The following MRC1 variants were observed in gnomAD, a reference collection of about 807,000 sequenced individuals.
The protein encoded by MRC1 is macrophage mannose receptor 1.
In MRC1, 62 loss-of-function variants were observed where a neutral mutation model predicts 102.9. The observed-to-expected ratio is 0.60, with a 90% CI of 0.49 to 0.74. The LOEUF (loss-of-function observed/expected upper bound fraction) is 0.74. Among genes scored for constraint, MRC1 ranks in the 30% least tolerant of loss-of-function variants. The probability of loss-of-function intolerance (pLI) is 0.00; values close to 1 mark genes in which losing one functional copy is unlikely to be tolerated. For synonymous variants in MRC1, 457 were observed against 298.4 expected, an observed-to-expected ratio of 1.53 and a Z score of -5.48; for missense variants, 1,237 against 862.8, an observed-to-expected ratio of 1.43 and a Z score of -5.43.
chr10:17,856,711 A>C lies in MRC1; in HGVS notation c.1518+359A>C, dbSNP rs1438248476. On this transcript the variant is annotated intron_variant, in intron 9 of 29. Coordinates refer to ENST00000569591, the MANE Select transcript of MRC1 (RefSeq NM_002438.4). ...CTATAGTAGAAGGTGACAGTCTACT[A>C]TAGTCTGTCATCCTATGGGTTGTTA... is the stretch of plus-strand genomic sequence containing the variant. 2.6e-5 allele frequency among the ~76,000 whole-genome samples: 4 copies of C among 152,284 alleles called. No individual in the cohort carries two copies. The South Asian group carries it at 8.3e-4, about 32-fold the overall frequency.
At chr10:17,836,461 G>A (rs575709289) in intron 4 of MRC1, among the ~76,000 whole-genome samples, 1 of 152,288 alleles carries the variant, frequency 6.6e-6, no homozygotes, top group East Asian at 1.9e-4. Flanking sequence ...GTAAATTTAT[G>A]TAGATGATTA....
intron 1 of MRC1, among the ~76,000 whole-genome samples, chr10:17,810,447 G>A (rs1291362756): frequency 4.6e-5 from 7 of 152,194 alleles, no homozygotes; most frequent in Non-Finnish European, 1.5e-5. Flanking sequence ...TTCCTAGGAA[G>A]AGAGTGTTTT....
Position 17,894,306 on chromosome 10 carries a change from C to T in MRC1, c.3244C>T (p.Arg1082Ter), listed in dbSNP as rs1833721387. ...DSKRGYICQT[R>*]SDPSLTNPPA... ...TAAACGAGGCTACATATGCCAGACACGATCCGGTAAGTTCTACCAAACCTT... is the reference window on the plus strand; with the variant it reads ...TAAACGAGGCTACATATGCCAGACATGATCCGGTAAGTTCTACCAAACCTT... Residue 1082 changes from arginine to a stop codon, truncating the protein, a stop_gained, in exon 23 of 30, where the codon CGA becomes TGA. Coordinates refer to ENST00000569591, the MANE Select transcript of MRC1 (RefSeq NM_002438.4). LOFTEE classifies it high-confidence loss of function. 5.7e-6 allele frequency: 5 copies of T among 871,586 alleles called. No homozygotes were observed. Among genetic ancestry groups the T allele is most frequent in the Admixed American group, 1.7e-5 (1 of 59,046 alleles). The allele number at this position is 871,586 out of a possible 1,614,324, so 54.0% of individuals were successfully genotyped here. A position where few individuals can be genotyped will look rare whatever the true frequency, so the allele number is the denominator to read the frequency against.
At chr10:17,881,670 A>ATTTTTTTTTTTTT (rs1184943960) in intron 21 of MRC1, among the ~76,000 whole-genome samples, 1 of 102,782 alleles carries the variant, frequency 9.7e-6, no homozygotes, top group African/African-American at 4.1e-5. Context: ...ACAAATTTTG[A>ATTTTTTTTTTTTT]TTTTTTTTTT....
At chr10:17,870,822 C>T in intron 13 of MRC1, 26 bp from the exon 14 acceptor site, 1 of 871,892 alleles carries the variant, frequency 1.1e-6, no homozygotes, top group Non-Finnish European at 2.0e-6. Context: ...ATAGCATATG[C>T]TTTCTTTATG....
At chr10:17,885,214 T>A (rs1833575133) in intron 21 of MRC1, 55 bp from the exon 22 acceptor site, 6 of 778,722 alleles carry the variant, frequency 7.7e-6, no homozygotes. Flanking sequence ...ATATTTTCCA[T>A]ATTTTGAGTA....
chr10:17,817,721 C>T (rs191964922), intron 1 of MRC1, among the ~76,000 whole-genome samples: 5,901 of 152,052 alleles, frequency 0.039, 151 homozygotes, highest in Non-Finnish European at 0.048. Context: ...TAAAACAGAT[C>T]GACTGTGTCG....
intron 2 of MRC1, among the ~76,000 whole-genome samples, chr10:17,826,950 T>C (rs1448706291): frequency 6.6e-6 from 1 of 152,034 alleles, no homozygotes; most frequent in African/African-American, 2.4e-5. Context: ...TGACAAGAAG[T>C]GGTTGGAGGG....
intron 8 of MRC1, among the ~76,000 whole-genome samples, chr10:17,855,704 A>T (rs892533680): frequency 3.9e-5 from 6 of 152,250 alleles, no homozygotes; most frequent in Admixed American, 3.9e-4. Flanking sequence ...CTCAGATATA[A>T]AATCATATTG....
rs1468889373 is a variant in MRC1 at position 17,827,697 on chromosome 10, G to A, written c.619G>A (p.Gly207Arg). ...TTDYDTDKLF[G>R]YCPLKFEGSE... The stretch of plus-strand genomic sequence containing the variant: ...TGACTATGACACAGACAAGCTATTT[G>A]GATATTGTCCATTGAAATGTAAGTA... Residue 207 changes from glycine to arginine, a missense_variant, in exon 3 of 30, where the codon GGA becomes AGA. Gly to Arg is a moderately radical substitution (Grantham distance 125). Coordinates refer to ENST00000569591, the MANE Select transcript of MRC1 (RefSeq NM_002438.4). 4 of 780,798 alleles carry A rather than the reference G, an allele frequency of 5.1e-6. No homozygotes were observed. The South Asian group carries it at 5.4e-5, about 10-fold the overall frequency. The allele number at this position is 780,798 out of a possible 1,614,324, so 48.4% of individuals were successfully genotyped here. A position where few individuals can be genotyped will look rare whatever the true frequency, so the allele number is the denominator to read the frequency against.
At chr10:17,858,645 G>A (rs959703745) in intron 9 of MRC1, among the ~76,000 whole-genome samples, 1 of 152,122 alleles carries the variant, frequency 6.6e-6, no homozygotes, top group Non-Finnish European at 1.5e-5. Flanking sequence ...AAGCTACCAT[G>A]CCTGGCTAAT....
At chr10:17,879,989 G>T (rs1460414727) in intron 19 of MRC1, among the ~76,000 whole-genome samples, 168 bp downstream of exon 19, 1 of 152,154 alleles carries the variant, frequency 6.6e-6, no homozygotes, top group African/African-American at 2.4e-5. Context: ...AACGAGAATA[G>T]ATGCTTAACA....
At chr10:17,843,471 G>C (rs1366663582) in intron 5 of MRC1, among the ~76,000 whole-genome samples, 3 of 152,068 alleles carry the variant, frequency 2.0e-5, no homozygotes, top group Non-Finnish European at 2.9e-5. Context: ...TTCAAGACCA[G>C]CCTGGTCAAG....
intron 5 of MRC1, among the ~76,000 whole-genome samples, chr10:17,843,812 C>G (rs1838785348): frequency 6.6e-6 from 1 of 152,108 alleles, no homozygotes; most frequent in African/African-American, 2.4e-5. Flanking sequence ...ATTACCTGCT[C>G]CAGACTTTGT....
intron 5 of MRC1, among the ~76,000 whole-genome samples, chr10:17,844,930 C>T (rs1427217075): frequency 6.6e-6 from 1 of 152,062 alleles, no homozygotes; most frequent in East Asian, 1.9e-4. Context: ...TTTATGGCGG[C>T]ATAATCATGC....
intron 22 of MRC1, among the ~76,000 whole-genome samples, chr10:17,890,524 A>G (rs1833657059): frequency 6.6e-6 from 1 of 151,844 alleles, no homozygotes; most frequent in South Asian, 2.1e-4. Flanking sequence ...CTTTCTTAGC[A>G]TTTTCATCTC....
intron 6 of MRC1, among the ~76,000 whole-genome samples, chr10:17,846,483 T>C (rs901867743): frequency 3.8e-4 from 58 of 152,206 alleles, no homozygotes; most frequent in African/African-American, 1.4e-3. Flanking sequence ...ATTTCATGTA[T>C]TTTAAAATAC....
intron 15 of MRC1, among the ~76,000 whole-genome samples, chr10:17,873,123 A>T (rs1833377657): frequency 6.6e-6 from 1 of 152,220 alleles, no homozygotes. Context: ...CCCAAAAGCT[A>T]GGTAACCTGA....
intron 3 of MRC1, among the ~76,000 whole-genome samples, chr10:17,828,860 T>C (rs369681902): frequency 0.46 from 69,030 of 151,160 alleles, 17,116 homozygotes; most frequent in African/African-American, 0.61. Flanking sequence ...AGGCAAATAG[T>C]GAAGCACATT....
Sources: allele counts gnomAD v4.1 joint callset (sites outside exome capture counted in the v4.1 genomes callset), GRCh38; gene constraint gnomAD v4.1.1; transcripts MANE v1.5; gene names NCBI Gene and HGNC (gene_info 2026-07-23, HGNC 2026-07-21).